The following PTER variants were observed in gnomAD, a reference collection of about 807,000 sequenced individuals.
The protein encoded by PTER is phosphotriesterase related.
In PTER, 38 loss-of-function variants were observed where a neutral mutation model predicts 29.6. That is an observed-to-expected ratio of 1.28 (90% confidence interval 0.99 to 1.68). The LOEUF is 1.68. Ranked by LOEUF, PTER falls within the 40% of genes most tolerant of loss-of-function variation. The probability of loss-of-function intolerance (pLI) is 0.00; values close to 1 mark genes in which losing one functional copy is unlikely to be tolerated. For synonymous variants in PTER, 172 were observed against 154.5 expected, an observed-to-expected ratio of 1.11 and a Z score of -0.84; for missense variants, 482 against 427.8, an observed-to-expected ratio of 1.13 and a Z score of -1.12.
chr10:16,486,283 A>G (rs1835690219), intron 2 of PTER, 69 bp from the exon 3 acceptor site: 4 of 1,379,126 alleles, frequency 2.9e-6, no homozygotes, highest in Admixed American at 2.2e-5. Flanking sequence ...ATTCATTCAC[A>G]TACTGTGGTG....
chr10:16,490,403 T>G (rs1174244549), intron 3 of PTER, among the ~76,000 whole-genome samples: 2 of 152,116 alleles, frequency 1.3e-5, no homozygotes, highest in East Asian at 1.9e-4. Flanking sequence ...TCAAGGGTGT[T>G]GCCTTCCATA....
At chr10:16,505,529 A>T (rs1836527414) in intron 4 of PTER, among the ~76,000 whole-genome samples, 1 of 152,210 alleles carries the variant, frequency 6.6e-6, no homozygotes, top group Non-Finnish European at 1.5e-5. Context: ...TAAAGCCATA[A>T]CTTCCTACAA....
Position 16,505,019 on chromosome 10 carries a change from G to A in PTER, c.699-1G>A. The A allele has an allele frequency of 2.5e-6, 4 of 1,613,582 alleles. No individual in the cohort carries two copies. The highest frequency in any genetic ancestry group is 3.4e-6 in the Non-Finnish European group (4 of 1,179,724). On this transcript the variant is annotated splice_acceptor_variant, in intron 3 of 4. Coordinates refer to ENST00000535784, the MANE Select transcript of PTER (RefSeq NM_001261836.2). LOFTEE classifies it high-confidence loss of function. ...CAGTTCATCTGTCGCATTGTTTCTA[G>A]GACTATTCTTGATAAGAAAGAGCTC...
At chr10:16,486,898 A>G (rs982845652) in intron 3 of PTER, 1 of 303,834 alleles carries the variant, frequency 3.3e-6, no homozygotes, top group Admixed American at 4.6e-5. Flanking sequence ...ATAACTCATA[A>G]CAGGTGTCAC....
intron 3 of PTER, among the ~76,000 whole-genome samples, chr10:16,489,110 A>T (rs1324237082): frequency 6.6e-6 from 1 of 152,038 alleles, no homozygotes; most frequent in African/African-American, 2.4e-5. Flanking sequence ...CCTCTTTCAT[A>T]TTTCCATCCA....
intron 3 of PTER, among the ~76,000 whole-genome samples, chr10:16,503,858 C>T (rs924648039): frequency 2.0e-5 from 3 of 152,166 alleles, no homozygotes; most frequent in Non-Finnish European, 2.9e-5. Context: ...ATCCTCACAT[C>T]GTGGAGTTGC....
At chr10:16,470,695 A>G (rs560580600) in intron 1 of PTER, among the ~76,000 whole-genome samples, 1 of 152,160 alleles carries the variant, frequency 6.6e-6, no homozygotes, top group African/African-American at 2.4e-5. Context: ...TTGAATCTGG[A>G]AGGTGGAGGT....
intron 3 of PTER, among the ~76,000 whole-genome samples, chr10:16,498,599 A>G (rs1836207591): frequency 6.6e-6 from 1 of 152,178 alleles, no homozygotes; most frequent in Non-Finnish European, 1.5e-5. Flanking sequence ...AAAATAAAAA[A>G]CAACTCTCAA....
At chr10:16,491,826 C>CAAA (rs1564404195) in intron 3 of PTER, among the ~76,000 whole-genome samples, 8 of 152,048 alleles carry the variant, frequency 5.3e-5, no homozygotes, top group Admixed American at 1.3e-4. Context: ...GTAGTATTTC[C>CAAA]ATCATTTCAG....
chr10:16,504,732 A>G (rs931802924), intron 3 of PTER, among the ~76,000 whole-genome samples: 2 of 152,202 alleles, frequency 1.3e-5, no homozygotes, highest in African/African-American at 4.8e-5. Flanking sequence ...TCTGAGGGAG[A>G]ATTCCAAACT....
At chr10:16,503,598 G>A (rs1035525765) in intron 3 of PTER, among the ~76,000 whole-genome samples, 1 of 151,044 alleles carries the variant, frequency 6.6e-6, no homozygotes, top group African/African-American at 2.4e-5. Flanking sequence ...TAGAGATGGG[G>A]TTTCGCCATG....
At chr10:16,501,134 T>G (rs1836320949) in intron 3 of PTER, among the ~76,000 whole-genome samples, 1 of 151,974 alleles carries the variant, frequency 6.6e-6, no homozygotes, top group Admixed American at 6.6e-5. Context: ...TTTCACCATG[T>G]TGGCCAGGCT....
intron 3 of PTER, among the ~76,000 whole-genome samples, chr10:16,487,474 G>A (rs764638903): frequency 5.9e-5 from 9 of 152,084 alleles, no homozygotes; most frequent in Admixed American, 2.6e-4. Flanking sequence ...TTTATGGCCC[G>A]TCCAGATAAT....
chr10:16,453,963 C>T (rs1049827327), intron 1 of PTER, among the ~76,000 whole-genome samples: 3 of 152,178 alleles, frequency 2.0e-5, no homozygotes, highest in Admixed American at 6.5e-5. Flanking sequence ...GGTCCTCAGA[C>T]TAAGTGATTT....
intron 3 of PTER, among the ~76,000 whole-genome samples, chr10:16,488,921 G>A (rs536080297): frequency 6.6e-6 from 1 of 152,226 alleles, no homozygotes; most frequent in South Asian, 2.1e-4. Flanking sequence ...TCTTTTAATT[G>A]CGTGCTTGGC....
chr10:16,485,173 A>C (rs1411876), intron 2 of PTER, among the ~76,000 whole-genome samples: 89,592 of 152,024 alleles, frequency 0.59, 28,105 homozygotes, highest in East Asian at 0.84. Flanking sequence ...TTTCCATCTT[A>C]AGTTATGCTA....
chr10:16,467,459 A>G (rs1350109172), intron 1 of PTER, among the ~76,000 whole-genome samples: 2 of 152,196 alleles, frequency 1.3e-5, no homozygotes, highest in African/African-American at 4.8e-5. Context: ...AAAAACAAAA[A>G]CAAAACATAA....
At chr10:16,486,855 A>G (rs1033619603) in intron 3 of PTER, 6 of 463,226 alleles carry the variant, frequency 1.3e-5, no homozygotes, top group African/African-American at 9.7e-5. Context: ...GATATTTCGC[A>G]TAAGTCATTT....
At chr10:16,459,852 A>C (rs1834546177) in intron 1 of PTER, among the ~76,000 whole-genome samples, 1 of 152,104 alleles carries the variant, frequency 6.6e-6, no homozygotes, top group African/African-American at 2.4e-5. Flanking sequence ...GGTTCAACCG[A>C]GTCTCCTGCC....
Sources: allele counts gnomAD v4.1 joint callset (sites outside exome capture counted in the v4.1 genomes callset), GRCh38; gene constraint gnomAD v4.1.1; transcripts MANE v1.5; gene names NCBI Gene and HGNC (gene_info 2026-07-23, HGNC 2026-07-21).